EYS: variants seen among roughly 807,000 people sequenced by gnomAD.
EYS encodes the protein protein eyes shut homolog.
Under a neutral mutation model 282.1 loss-of-function variants are expected in EYS, and 250 were observed. The observed-to-expected ratio is 0.89, with a 90% confidence interval of 0.80 to 0.98. The LOEUF (loss-of-function observed/expected upper bound fraction) is 0.98. Among genes scored for constraint, EYS ranks in the 50% least tolerant of loss-of-function variants. The pLI is 0.00. For missense variants in EYS, 4,016 were observed against 3,709.0 expected (o/e 1.08, Z -2.15); for synonymous variants, 1,355 against 1,282.9 (o/e 1.06, Z -1.20).
At chr6:65,033,145 T>G (rs1271509889) in intron 13 of EYS, among the ~76,000 whole-genome samples, 1 of 152,164 alleles carries the variant, frequency 6.6e-6, no homozygotes, top group Admixed American at 6.5e-5. Context: ...GATGTGGCCT[T>G]GCTGCTTCTA....
chr6:65,212,315 A>C (rs1766195764), intron 12 of EYS, among the ~76,000 whole-genome samples: 1 of 152,108 alleles, frequency 6.6e-6, no homozygotes, highest in Non-Finnish European at 1.5e-5. Context: ...ATTTTCCAGG[A>C]AGAAATTAAG....
intron 1 of EYS, among the ~76,000 whole-genome samples, chr6:65,646,804 G>T (rs1328673356): frequency 6.6e-6 from 1 of 152,244 alleles, no homozygotes; most frequent in South Asian, 2.1e-4. Context: ...TAGAACTGAT[G>T]AATGACTCAG....
At chr6:65,517,993 C>A (rs80121390) in intron 2 of EYS, among the ~76,000 whole-genome samples, 2,360 of 151,942 alleles carry the variant, frequency 0.016, 81 homozygotes, top group African/African-American at 0.055. Flanking sequence ...AAATAATTAA[C>A]GACATGATTC....
chr6:64,241,077 C>G (rs959210980), intron 30 of EYS, among the ~76,000 whole-genome samples: 2 of 152,086 alleles, frequency 1.3e-5, no homozygotes, highest in South Asian at 2.1e-4. Flanking sequence ...TTTGAACCAC[C>G]CTTGCATCCC....
chr6:64,217,166 C>A (rs190775059), intron 31 of EYS, among the ~76,000 whole-genome samples: 2 of 152,148 alleles, frequency 1.3e-5, no homozygotes, highest in Non-Finnish European at 2.9e-5. Context: ...GCTATGTCTT[C>A]GGAACTGTTT....
chr6:64,057,533 T>G (rs1771027244), intron 33 of EYS, among the ~76,000 whole-genome samples: 2 of 152,146 alleles, frequency 1.3e-5, no homozygotes, highest in South Asian at 4.1e-4. Context: ...AATAGCTTTC[T>G]AACATTTCAT....
intron 35 of EYS, among the ~76,000 whole-genome samples, chr6:63,973,404 C>A (rs1266085429): frequency 6.6e-6 from 1 of 152,020 alleles, no homozygotes; most frequent in Admixed American, 6.6e-5. Flanking sequence ...AAGAAGAGAA[C>A]TAAACTTTAT....
At chr6:65,081,028 C>A (rs34010925) in intron 12 of EYS, among the ~76,000 whole-genome samples, 27,896 of 152,020 alleles carry the variant, frequency 0.18, 3,237 homozygotes, top group South Asian at 0.26. Context: ...ACAGACATTT[C>A]TTAAAGCAGG....
chr6:65,165,998 C>T (rs908580791), intron 12 of EYS, among the ~76,000 whole-genome samples: 6 of 150,824 alleles, frequency 4.0e-5, no homozygotes, highest in Non-Finnish European at 8.9e-5. Flanking sequence ...ATAATAAAGG[C>T]TAATATTTAT....
At chr6:64,867,149 G>A (rs1766447663) in intron 19 of EYS, among the ~76,000 whole-genome samples, 1 of 151,666 alleles carries the variant, frequency 6.6e-6, no homozygotes, top group Admixed American at 6.6e-5. Flanking sequence ...ATATCAAAAA[G>A]ACCATGTGTC....
intron 12 of EYS, among the ~76,000 whole-genome samples, chr6:65,143,445 A>G (rs902759755): frequency 6.6e-6 from 1 of 152,052 alleles, no homozygotes; most frequent in Non-Finnish European, 1.5e-5. Flanking sequence ...ATATAGATTT[A>G]TTATAACCAA....
intron 29 of EYS, among the ~76,000 whole-genome samples, chr6:64,349,576 T>C (rs1382447617): frequency 1.3e-5 from 2 of 151,322 alleles, no homozygotes; most frequent in East Asian, 3.9e-4. Context: ...AAATAGAATC[T>C]TCTATTTGAT....
At chr6:64,051,206 T>G (rs551377539) in intron 33 of EYS, among the ~76,000 whole-genome samples, 28 of 152,288 alleles carry the variant, frequency 1.8e-4, no homozygotes, top group African/African-American at 4.8e-4. Context: ...AAACACATAC[T>G]GTATACTAGC....
At chr6:65,682,197 G>C (rs947645552) in intron 1 of EYS, among the ~76,000 whole-genome samples, 13 of 152,030 alleles carry the variant, frequency 8.6e-5, no homozygotes, top group Middle Eastern at 3.4e-3. Context: ...GAGCAATGAA[G>C]AGTGGTCCAG....
intron 2 of EYS, among the ~76,000 whole-genome samples, chr6:65,547,322 C>T (rs527360629): frequency 6.6e-6 from 1 of 151,642 alleles, no homozygotes; most frequent in Non-Finnish European, 1.5e-5. Flanking sequence ...TATATAAGCC[C>T]TCTTCTAATG....
chr6:64,820,814 G>A (rs1000765376), intron 21 of EYS, among the ~76,000 whole-genome samples: 1 of 151,840 alleles, frequency 6.6e-6, no homozygotes, highest in Admixed American at 6.6e-5. Flanking sequence ...TCTCTGGAAG[G>A]GCCACTTACT....
chr6:64,853,125 C>T (rs1160361614), intron 19 of EYS, among the ~76,000 whole-genome samples: 1 of 152,028 alleles, frequency 6.6e-6, no homozygotes, highest in Non-Finnish European at 1.5e-5. Context: ...ATAGATATCT[C>T]TCCTAAAGAT....
chr6:63,937,019 G>T (rs1362501400), intron 35 of EYS, among the ~76,000 whole-genome samples: 1 of 152,220 alleles, frequency 6.6e-6, no homozygotes, highest in African/African-American at 2.4e-5. Context: ...GATTAGTGCT[G>T]CTCTGGTACT....
chr6:63,959,639 A>G (rs1765968691), intron 35 of EYS, among the ~76,000 whole-genome samples: 1 of 152,210 alleles, frequency 6.6e-6, no homozygotes, highest in African/African-American at 2.4e-5. Context: ...TATACTGGAT[A>G]AAGGAAACGT....
Sources: gnomAD v4.1 joint callset for allele counts (sites outside exome capture counted in the v4.1 genomes callset) on GRCh38, gnomAD v4.1.1 for gene constraint, MANE v1.5 for transcripts, NCBI Gene and HGNC (gene_info 2026-07-23, HGNC 2026-07-21) for gene names.